FZD3: variants seen among roughly 807,000 people sequenced by gnomAD.
The protein encoded by FZD3 is frizzled-3.
FZD3 carries 30 observed loss-of-function variants against 60.7 expected under a neutral mutation model. The observed-to-expected ratio is 0.49, with a 90% CI of 0.37 to 0.67. The LOEUF is 0.67. Ranked by LOEUF, FZD3 falls within the 30% of genes least tolerant of loss-of-function variation. The pLI is 0.00. For missense variants in FZD3, 605 were observed against 838.7 expected (o/e 0.72, Z 3.44); for synonymous variants, 246 against 275.2 (o/e 0.89, Z 1.05).
rs1340404919 is a variant in FZD3 at position 28,573,105 on chromosome 8, A to ATACC, written c.*10095_*10098dup. 1 of 152,090 alleles carries ATACC rather than the reference A, an allele frequency of 6.6e-6. No individual in the cohort carries two copies. The highest frequency in any genetic ancestry group is 2.4e-5 in the African/African-American group (1 of 41,408). The allele number at this position is 152,090 out of a possible 1,614,324, so 9.4% of individuals were successfully genotyped here. On this transcript the variant is annotated 3_prime_UTR_variant, in exon 8 of 8. Coordinates refer to ENST00000240093, the MANE Select transcript of FZD3 (RefSeq NM_017412.4). ...CTTCTTCCTAGGCAATATGCTCATG[A>ATACC]TACCCTCTTCATGTGACCTATTCCT...
chr8:28,550,869 A>G (rs551897931), intron 5 of FZD3, among the ~76,000 whole-genome samples: 3 of 152,164 alleles, frequency 2.0e-5, no homozygotes, highest in Non-Finnish European at 4.4e-5. Flanking sequence ...TCATTATTCT[A>G]TTAATTTGAT....
chr8:28,569,345 T>A lies in FZD3; in HGVS notation c.*6334T>A, dbSNP rs939881128. 1.4e-4 allele frequency: 21 copies of A among 152,076 alleles called. No homozygotes were observed. Among genetic ancestry groups the A allele is most frequent in the Admixed American group, 1.2e-3 (19 of 15,262 alleles). 9.4% of individuals were successfully genotyped at this position (152,076 alleles called of 1,614,324 possible). On this transcript the variant is annotated 3_prime_UTR_variant, in exon 8 of 8. Transcript: ENST00000240093. Reference sequence around the variant, plus strand: ...CAATAGGATTTTGAGTCAGGAAACTTGACTTCTACTCTTGCCTCTCTTTTG... The same window carrying A: ...CAATAGGATTTTGAGTCAGGAAACTAGACTTCTACTCTTGCCTCTCTTTTG...
intron 3 of FZD3, among the ~76,000 whole-genome samples, chr8:28,516,503 GAAC>G (rs1400620086): frequency 1.3e-5 from 2 of 152,084 alleles, no homozygotes; most frequent in African/African-American, 2.4e-5. Flanking sequence ...ATTGCCATCT[GAAC>G]AACATTATCT....
At chr8:28,544,656 G>C (rs979262501) in intron 5 of FZD3, among the ~76,000 whole-genome samples, 2 of 151,944 alleles carry the variant, frequency 1.3e-5, no homozygotes, top group African/African-American at 4.8e-5. Flanking sequence ...TTTTTAAAAA[G>C]TCCAAAATAT....
chr8:28,529,691 CATTAT>C (rs1344785856), intron 5 of FZD3, among the ~76,000 whole-genome samples: 1 of 151,984 alleles, frequency 6.6e-6, no homozygotes, highest in African/African-American at 2.4e-5. Context: ...GATATTTTAT[CATTAT>C]ATTAGCTACT....
At chr8:28,554,629 T>G (rs1805473840) in intron 6 of FZD3, among the ~76,000 whole-genome samples, 1 of 152,120 alleles carries the variant, frequency 6.6e-6, no homozygotes, top group Non-Finnish European at 1.5e-5. Flanking sequence ...CTATTATTAA[T>G]AGATATCCAA....
intron 3 of FZD3, among the ~76,000 whole-genome samples, chr8:28,517,955 G>C (rs964420049): frequency 6.6e-6 from 1 of 152,056 alleles, no homozygotes; most frequent in Non-Finnish European, 1.5e-5. Context: ...TAAAATATTA[G>C]TGAGATCCCA....
chr8:28,557,975 G>A (rs1277643162), intron 7 of FZD3, among the ~76,000 whole-genome samples: 1 of 152,168 alleles, frequency 6.6e-6, no homozygotes, highest in East Asian at 1.9e-4. Flanking sequence ...AAAAGAGATG[G>A]CACTTCTACA....
chr8:28,538,307 A>T (rs1375737172), intron 5 of FZD3, among the ~76,000 whole-genome samples: 1 of 152,126 alleles, frequency 6.6e-6, no homozygotes, highest in African/African-American at 2.4e-5. Context: ...TTATGAGAAT[A>T]GTAGAGTAGA....
At chr8:28,539,786 G>A (rs190522681) in intron 5 of FZD3, among the ~76,000 whole-genome samples, 5 of 151,920 alleles carry the variant, frequency 3.3e-5, no homozygotes, top group Admixed American at 6.6e-5. Flanking sequence ...AGAAGCCAAG[G>A]ACTCTGCCAA....
rs775307553 is a variant in FZD3 at position 28,503,163 on chromosome 8, G to T, written c.150G>T (p.Leu50=). 3 of 1,613,370 alleles carry T rather than the reference G, an allele frequency of 1.9e-6. No individual in the cohort carries two copies. In the South Asian group the frequency reaches 3.3e-5, roughly 18 times the overall value. The change falls in exon 3 of 8, where the codon CTG becomes CTT. Residue 50 remains leucine (L), a synonymous_variant. Coordinates refer to ENST00000240093, the MANE Select transcript of FZD3 (RefSeq NM_017412.4). ...ATACTACCTTCATGCCTAATCTTCTGAATCATTATGACCAACAGACAGCAG... is the reference window on the plus strand; with the variant it reads ...ATACTACCTTCATGCCTAATCTTCTTAATCATTATGACCAACAGACAGCAG... ...PYNTTFMPNL[L]NHYDQQTAAL...
In FZD3 at chr8:28,505,556, TG is replaced by T. The variant is rs1057035227; in HGVS notation, c.189+2355del. On this transcript the variant is annotated intron_variant, in intron 3 of 7. Transcript: ENST00000240093. Reference sequence around the variant, plus strand: ...TTTTAGAGACAAGGTTTTGCCATGTTGCCCAGGCTGATCTCGAACTCCTGGG... The same window carrying T: ...TTTTAGAGACAAGGTTTTGCCATGTTCCCAGGCTGATCTCGAACTCCTGGG... Among the ~76,000 whole-genome samples the T allele has an allele frequency of 4.8e-4, 73 of 152,262 alleles. 1 individual carries two copies. Among genetic ancestry groups the T allele is most frequent in the African/African-American group, 1.7e-3 (70 of 41,544 alleles).
intron 5 of FZD3, among the ~76,000 whole-genome samples, chr8:28,538,048 C>T (rs1241722487): frequency 6.6e-6 from 1 of 151,602 alleles, no homozygotes; most frequent in African/African-American, 2.4e-5. Context: ...ACCCGGGAGG[C>T]AGAGGTTTCA....
intron 3 of FZD3, among the ~76,000 whole-genome samples, chr8:28,516,202 T>C (rs1804421977): frequency 6.6e-6 from 1 of 152,234 alleles, no homozygotes; most frequent in Non-Finnish European, 1.5e-5. Flanking sequence ...TGAAAATGAA[T>C]TGGCCATACA....
chr8:28,496,032 G>A (rs1803835784), intron 1 of FZD3, among the ~76,000 whole-genome samples: 3 of 152,158 alleles, frequency 2.0e-5, no homozygotes, highest in Admixed American at 1.3e-4. Flanking sequence ...CCTCATCCTA[G>A]CTGCTCTATG....
Position 28,562,800 on chromosome 8 carries a change from A to G in FZD3, c.1790A>G (p.Tyr597Cys), listed in dbSNP as rs1270717807. 1.9e-6 allele frequency: 3 copies of G among 1,590,318 alleles called. No individual in the cohort carries two copies. The highest frequency in any genetic ancestry group is 2.6e-6 in the Non-Finnish European group (3 of 1,161,438). The change falls in exon 8 of 8, where the codon TAC becomes TGC. Residue 597 changes from tyrosine (Y) to cysteine (C), a missense_variant and splice_region_variant. Physicochemically the swap from Tyr to Cys is radical, Grantham distance 194. Transcript: ENST00000240093. ...GSLHRSRDGR[Y>C]TPCSYRGMEE... ...TTCAAAATAAACTCTCATGACAGGT[A>G]CACGCCCTGCAGTTACAGAGGAATG...
intron 5 of FZD3, 30 bp downstream of exon 5, chr8:28,528,194 A>G (rs752479695): frequency 2.6e-6 from 4 of 1,516,430 alleles, no homozygotes; most frequent in Non-Finnish European, 9.0e-7. Flanking sequence ...AAATTTCAGA[A>G]TATATGATAA....
intron 1 of FZD3, among the ~76,000 whole-genome samples, chr8:28,495,312 C>T (rs186904372): frequency 4.6e-5 from 7 of 152,140 alleles, no homozygotes; most frequent in Admixed American, 1.3e-4. Flanking sequence ...TGTAGAATGA[C>T]TCTTTGAATT....
chr8:28,497,865 C>T (rs1231011618), intron 1 of FZD3, among the ~76,000 whole-genome samples: 1 of 152,192 alleles, frequency 6.6e-6, no homozygotes, highest in Non-Finnish European at 1.5e-5. Context: ...TTCTTTGGGT[C>T]TGATTTTGCA....
Sources: gnomAD v4.1 joint callset for allele counts (sites outside exome capture counted in the v4.1 genomes callset) on GRCh38, gnomAD v4.1.1 for gene constraint, MANE v1.5 for transcripts, NCBI Gene and HGNC (gene_info 2026-07-23, HGNC 2026-07-21) for gene names.